The following TXNDC15 variants were observed in gnomAD, a reference collection of about 807,000 sequenced individuals.
TXNDC15 encodes the protein thioredoxin domain containing 15.
Under a neutral mutation model 35.0 loss-of-function variants are expected in TXNDC15, and 24 were observed. The observed-to-expected ratio is 0.68, with a 90% confidence interval of 0.50 to 0.96. The LOEUF (loss-of-function observed/expected upper bound fraction) is 0.96, where lower values mean the gene tolerates loss of function less well. Ranked by LOEUF, TXNDC15 falls within the 40% of genes least tolerant of loss-of-function variation. TXNDC15 has a pLI of 0.00. For missense variants in TXNDC15, 385 were observed against 453.3 expected (o/e 0.85, Z 1.37); for synonymous variants, 169 against 174.0 (o/e 0.97, Z 0.23).
intron 1 of TXNDC15, among the ~76,000 whole-genome samples, chr5:134,881,966 G>A (rs1423574681): frequency 2.7e-5 from 4 of 150,584 alleles, no homozygotes; most frequent in South Asian, 2.1e-4. Flanking sequence ...CCTCCCTCCC[G>A]GACGGGGTGG....
intron 1 of TXNDC15, among the ~76,000 whole-genome samples, chr5:134,887,464 G>A (rs1298659996): frequency 2.0e-5 from 3 of 152,184 alleles, no homozygotes; most frequent in African/African-American, 2.4e-5. Context: ...TAGAATTACA[G>A]GTGTGAACCA....
intron 2 of TXNDC15, among the ~76,000 whole-genome samples, chr5:134,891,998 C>T (rs1422827401): frequency 6.6e-6 from 1 of 152,120 alleles, no homozygotes; most frequent in Non-Finnish European, 1.5e-5. Context: ...AAGAGTCCGC[C>T]TGTCCTTTGA....
intron 1 of TXNDC15, among the ~76,000 whole-genome samples, chr5:134,875,896 C>T (rs1288633633): frequency 1.3e-5 from 2 of 152,146 alleles, no homozygotes; most frequent in Non-Finnish European, 2.9e-5. Flanking sequence ...TCTGGAACTC[C>T]TGACCTCAGG....
chr5:134,899,370 CT>C (rs753330988), intron 4 of TXNDC15, 118 bp from the exon 5 acceptor site: 1 of 764,700 alleles, frequency 1.3e-6, no homozygotes, highest in Non-Finnish European at 2.1e-6. Flanking sequence ...TATATATATA[CT>C]AGTGGCAATG....
rs374675553 is a variant in TXNDC15, at chr5:134,874,380, G to T, written c.-48G>T. The T allele has an allele frequency of 2.5e-4, 372 of 1,506,236 alleles. 1 individual carries two copies. The highest frequency in any genetic ancestry group is 2.1e-3 in the Admixed American group (109 of 51,574). The allele number at this position is 1,506,236 out of a possible 1,614,324, so 93.3% of individuals were successfully genotyped here. A position where few individuals can be genotyped will look rare whatever the true frequency, so the allele number is the denominator to read the frequency against. ...TCCTCCCCCAGCCTTCCTCCGGCTG[G>T]CAGCACGACTCGCGTAGCCGTGCGC... is the stretch of plus-strand genomic sequence containing the variant. On this transcript the variant is annotated 5_prime_UTR_variant, in exon 1 of 5. Transcript: ENST00000358387.
At chr5:134,880,208 C>T (rs1750114284) in intron 1 of TXNDC15, among the ~76,000 whole-genome samples, 1 of 152,164 alleles carries the variant, frequency 6.6e-6, no homozygotes, top group African/African-American at 2.4e-5. Context: ...TCTACCCTAC[C>T]TTCCTCGCCC....
rs779507839 is a variant in TXNDC15 at position 134,874,543 on chromosome 5, C to A, written c.103+13C>A. Reference sequence around the variant, plus strand: ...CGCGGCGTGGAGGGTGAGTGTGGGCCGGGGGCGGTGCATGAGATGATGGGG... The same window carrying A: ...CGCGGCGTGGAGGGTGAGTGTGGGCAGGGGGCGGTGCATGAGATGATGGGG... On this transcript the variant is annotated intron_variant, in intron 1 of 4. Coordinates refer to ENST00000358387, the MANE Select transcript of TXNDC15 (RefSeq NM_024715.4). 6 of 1,590,360 alleles carry A rather than the reference C, an allele frequency of 3.8e-6. No homozygotes were observed. Among genetic ancestry groups the A allele is most frequent in the Middle Eastern group, 1.7e-4 (1 of 5,990 alleles).
intron 1 of TXNDC15, chr5:134,875,469 G>A (rs749441849): frequency 2.3e-5 from 10 of 442,426 alleles, no homozygotes; most frequent in East Asian, 2.1e-4. Context: ...AGTGCTTTAC[G>A]AGCATCATCT....
At position 134,884,606 on chromosome 5, in the gene TXNDC15, G is replaced by T. The variant is rs140340987; in HGVS notation, c.104-3089G>T. ...TTTTGAGACAGGGTCTCACTCTTTC[G>T]CCCAGGCTGGAGTGCAATGGCTTGA... On this transcript the variant is annotated intron_variant, in intron 1 of 4. Coordinates refer to ENST00000358387, the MANE Select transcript of TXNDC15 (RefSeq NM_024715.4). 3.5e-3 allele frequency among the ~76,000 whole-genome samples: 525 copies of T among 151,670 alleles called. 4 individuals carry two copies. The highest frequency in any genetic ancestry group is 0.012 in the African/African-American group (507 of 41,332).
At chr5:134,889,209 G>A (rs1672031212) in intron 2 of TXNDC15, among the ~76,000 whole-genome samples, 1 of 152,160 alleles carries the variant, frequency 6.6e-6, no homozygotes, top group Non-Finnish European at 1.5e-5. Context: ...TTAAACAGGT[G>A]GTGGCAGGGA....
chr5:134,899,176 G>A (rs984326675), intron 4 of TXNDC15, among the ~76,000 whole-genome samples: 1 of 152,010 alleles, frequency 6.6e-6, no homozygotes, highest in African/African-American at 2.4e-5. Context: ...CTGAACTTTG[G>A]TCTCAAAAGA....
chr5:134,888,600 C>T (rs559068424), intron 2 of TXNDC15, among the ~76,000 whole-genome samples: 1 of 152,294 alleles, frequency 6.6e-6, no homozygotes, highest in African/African-American at 2.4e-5. Flanking sequence ...TTTCCTGCCT[C>T]AGTCTCCCAT....
chr5:134,877,448 T>A (rs928562028), intron 1 of TXNDC15, among the ~76,000 whole-genome samples: 12 of 152,084 alleles, frequency 7.9e-5, no homozygotes, highest in Admixed American at 3.3e-4. Context: ...TGTATTGCTG[T>A]GAAGGTCAGG....
At chr5:134,883,946 C>T (rs531852454) in intron 1 of TXNDC15, among the ~76,000 whole-genome samples, 4 of 150,372 alleles carry the variant, frequency 2.7e-5, no homozygotes, top group African/African-American at 7.3e-5. Flanking sequence ...AAGCCAGGCG[C>T]GGTGGCTCAT....
intron 1 of TXNDC15, among the ~76,000 whole-genome samples, chr5:134,877,972 G>T (rs937065407): frequency 2.0e-5 from 3 of 151,784 alleles, no homozygotes; most frequent in African/African-American, 7.3e-5. Flanking sequence ...ATGGGGTTTC[G>T]CCATGTTGGC....
intron 2 of TXNDC15, chr5:134,893,196 A>C (rs776017745): frequency 1.6e-4 from 40 of 250,526 alleles, no homozygotes; most frequent in Non-Finnish European, 2.7e-4. Flanking sequence ...GAATTATGAA[A>C]AATATTAAAA....
intron 1 of TXNDC15, 141 bp downstream of exon 1, chr5:134,874,671 T>C: frequency 1.5e-6 from 1 of 665,196 alleles, no homozygotes; most frequent in South Asian, 2.2e-5. Context: ...CCCCGACTTC[T>C]CTCCCCGCGC....
chr5:134,894,369 C>CTTTT (rs556643965), intron 3 of TXNDC15, among the ~76,000 whole-genome samples: 1 of 131,398 alleles, frequency 7.6e-6, no homozygotes, highest in African/African-American at 2.8e-5. Flanking sequence ...TTTTTTTTTT[C>CTTTT]TTTTTTTTTT....
chr5:134,882,433 G>C (rs1750172043), intron 1 of TXNDC15, among the ~76,000 whole-genome samples: 3 of 152,306 alleles, frequency 2.0e-5, no homozygotes, highest in Non-Finnish European at 4.4e-5. Flanking sequence ...TCACTTCCCA[G>C]ACAGGGTGGC....
Sources: gnomAD v4.1 joint callset for allele counts (sites outside exome capture counted in the v4.1 genomes callset) on GRCh38, gnomAD v4.1.1 for gene constraint, MANE v1.5 for transcripts, NCBI Gene and HGNC (gene_info 2026-07-23, HGNC 2026-07-21) for gene names.